NUP133: variants seen among roughly 807,000 people sequenced by gnomAD.
NUP133 encodes the protein nucleoporin 133.
Under a neutral mutation model 146.2 loss-of-function variants are expected in NUP133, and 66 were observed. The observed-to-expected ratio is 0.45, with a 90% CI of 0.37 to 0.55. The LOEUF is 0.55. Among genes scored for constraint, NUP133 ranks in the 20% least tolerant of loss-of-function variants. The pLI is 0.00. For synonymous variants in NUP133, 521 were observed against 498.8 expected, an observed-to-expected ratio of 1.04 and a Z score of -0.59; for missense variants, 1,277 against 1,374.8, an observed-to-expected ratio of 0.93 and a Z score of 1.12.
chr1:229,502,558 C>CA (rs58520087), intron 2 of NUP133, among the ~76,000 whole-genome samples: 3,855 of 42,712 alleles, frequency 0.09, 339 homozygotes, highest in African/African-American at 0.15. Flanking sequence ...GACTCCATCT[C>CA]AAAAAAAAAA....
At chr1:229,508,011 G>T (rs1661989446) in intron 1 of NUP133, 57 bp downstream of exon 1, 2 of 1,403,560 alleles carry the variant, frequency 1.4e-6, no homozygotes, top group South Asian at 3.3e-5. Context: ...AACCTATCCG[G>T]CCCACTGCGG....
chr1:229,492,500 A>G (rs1661552631), intron 8 of NUP133, among the ~76,000 whole-genome samples: 1 of 152,132 alleles, frequency 6.6e-6, no homozygotes, highest in Non-Finnish European at 1.5e-5. Flanking sequence ...CCAAGCATGT[A>G]ACTAAATGAC....
At chr1:229,442,141 T>C in intron 25 of NUP133, 101 bp from the exon 26 acceptor site, 1 of 1,133,914 alleles carries the variant, frequency 8.8e-7, no homozygotes, top group South Asian at 1.5e-5. Flanking sequence ...TATTTAAATA[T>C]AACGTCACTT....
At chr1:229,487,675 T>G in intron 9 of NUP133, 62 bp from the exon 10 acceptor site, 1 of 1,250,762 alleles carries the variant, frequency 8.0e-7, no homozygotes. Flanking sequence ...TGTATGATTT[T>G]TTAAATTCAT....
intron 2 of NUP133, among the ~76,000 whole-genome samples, chr1:229,502,768 C>G (rs972931717): frequency 1.3e-5 from 2 of 149,620 alleles, no homozygotes. Flanking sequence ...TTGAGGCCAG[C>G]CTGGGCAACA....
rs1318875298 is a variant in NUP133 at position 229,508,124 on chromosome 1, TGCAGACCCCAGGG to T, written c.113_125del (p.Pro38GlnfsTer17). ...GCGAGAAGAGCACTGGGGAGCTGAC[TGCAGACCCCAGGG>T]GCAGACCCTTCCTGCTAGCCGTCCG... is the stretch of plus-strand genomic sequence containing the variant. On this transcript the variant is annotated frameshift_variant, in exon 1 of 26. Transcript: ENST00000261396. LOFTEE classifies it high-confidence loss of function. 9 of 1,584,516 alleles carry T rather than the reference TGCAGACCCCAGGG, an allele frequency of 5.7e-6. No individual in the cohort carries two copies. The Admixed American group carries it at 8.9e-5, about 16-fold the overall frequency.
At chr1:229,472,036 T>C (rs1660967671) in intron 14 of NUP133, among the ~76,000 whole-genome samples, 1 of 152,198 alleles carries the variant, frequency 6.6e-6, no homozygotes, top group East Asian at 1.9e-4. Context: ...TTAGGTGTAA[T>C]CGGCCAGGCG....
chr1:229,495,872 T>C lies in NUP133; in HGVS notation c.975+20A>G, dbSNP rs778896184. 2 of 1,550,356 alleles carry C rather than the reference T, an allele frequency of 1.3e-6. No homozygotes were observed. The highest frequency in any genetic ancestry group is 2.4e-5 in the South Asian group (2 of 81,942). ...CAACCATAAACATGAATTACAGAGATGAATATTATTGTTTCTTACCCAAAT... is the reference window on the plus strand; with the variant it reads ...CAACCATAAACATGAATTACAGAGACGAATATTATTGTTTCTTACCCAAAT... On this transcript the variant is annotated intron_variant, in intron 7 of 25. Coordinates refer to ENST00000261396, the MANE Select transcript of NUP133 (RefSeq NM_018230.3).
chr1:229,506,103 C>G lies in NUP133; in HGVS notation c.238G>C (p.Asp80His). ...AGAGAAGATCCAAACGTTTTCACATCATAGTTCACAGACTCAGTTATGGAG... is the reference window on the plus strand; with the variant it reads ...AGAGAAGATCCAAACGTTTTCACATGATAGTTCACAGACTCAGTTATGGAG... The part of the protein sequence containing the change: ...HHSITESVNY[D>H]VKTFGSSLPV... Residue 80 changes from aspartate to histidine, a missense_variant, in exon 2 of 26, where the codon GAT becomes CAT. By Grantham distance (81) the Asp-to-His change is moderately conservative. Coordinates refer to ENST00000261396, the MANE Select transcript of NUP133 (RefSeq NM_018230.3). The G allele has an allele frequency of 1.2e-6, 2 of 1,613,688 alleles. No individual in the cohort carries two copies. The highest frequency in any genetic ancestry group is 2.2e-5 in the South Asian group (2 of 91,064).
At position 229,502,178 on chromosome 1, in the gene NUP133, T is replaced by G. The variant is rs1446426931; in HGVS notation, c.302-76A>C. 4 of 1,062,846 alleles carry G rather than the reference T, an allele frequency of 3.8e-6. No homozygotes were observed. In the Admixed American group the frequency reaches 7.6e-5, roughly 20 times the overall value. The allele number at this position is 1,062,846 out of a possible 1,614,324, so 65.8% of individuals were successfully genotyped here. A position where few individuals can be genotyped will look rare whatever the true frequency, so the allele number is the denominator to read the frequency against. On this transcript the variant is annotated intron_variant, in intron 2 of 25. Transcript: ENST00000261396. ...TACCACACGCTTTATCAAAAAAAAG[T>G]AATTGGCACACTCAGAAACGACTAC...
At chr1:229,445,112 C>A in intron 24 of NUP133, 110 bp from the exon 25 acceptor site, 1 of 786,700 alleles carries the variant, frequency 1.3e-6, no homozygotes, top group Non-Finnish European at 2.1e-6. Context: ...GATGGAGAAT[C>A]TGAGTTTTGT....
intron 12 of NUP133, 104 bp from the exon 13 acceptor site, chr1:229,477,864 T>G: frequency 1.2e-6 from 1 of 807,332 alleles, no homozygotes; most frequent in Non-Finnish European, 1.9e-6. Context: ...AAAAAAAGAA[T>G]GCGATCCTGT....
rs1430737615 is a variant in NUP133, at chr1:229,460,660, T to A, written c.2795A>T (p.His932Leu). ...HGQLANFLQA[H>L]EHLSWLHEIN... ...TTCATGTAACCAGCTGAGATGTTCA[T>A]GAGCTTGCAAAAAATTTGCCAACTG... Residue 932 changes from histidine (H) to leucine (L), a missense_variant, in exon 20 of 26, where the codon CAT becomes CTT. Physicochemically the swap from His to Leu is moderately conservative, Grantham distance 99. Coordinates refer to ENST00000261396, the MANE Select transcript of NUP133 (RefSeq NM_018230.3). The A allele has an allele frequency of 6.2e-7, 1 of 1,614,042 alleles. No homozygotes were observed. The highest frequency in any genetic ancestry group is 8.5e-7 in the Non-Finnish European group (1 of 1,180,032).
Position 229,458,173 on chromosome 1 carries a change from C to T in NUP133, c.2968G>A (p.Glu990Lys). ...CAAATTCTTTCACCTTCAATTTTTTCTTGTAGCATATCCTCTGAAAAGTCT... is the reference window on the plus strand; with the variant it reads ...CAAATTCTTTCACCTTCAATTTTTTTTTGTAGCATATCCTCTGAAAAGTCT... ...ASDFSEDMLQ[E>K]KIEEMAEQER... Residue 990 changes from glutamate to lysine, a missense_variant, in exon 21 of 26, where the codon GAA becomes AAA. Glu to Lys is a moderately conservative substitution (Grantham distance 56). This residue lies in a region of NUP133 where 952 missense variants were observed against 1,047.0 expected (regional missense o/e 0.91). Coordinates refer to ENST00000261396, the MANE Select transcript of NUP133 (RefSeq NM_018230.3). 1 of 1,606,336 alleles carries T rather than the reference C, an allele frequency of 6.2e-7. No individual in the cohort carries two copies. Among genetic ancestry groups the T allele is most frequent in the South Asian group, 1.1e-5 (1 of 90,174 alleles).
intron 24 of NUP133, among the ~76,000 whole-genome samples, chr1:229,446,049 A>G (rs1660293064): frequency 6.6e-6 from 1 of 152,202 alleles, no homozygotes; most frequent in Non-Finnish European, 1.5e-5. Flanking sequence ...TTGTCATTGA[A>G]TCGTAACATA....
intron 14 of NUP133, among the ~76,000 whole-genome samples, chr1:229,471,057 C>T (rs563577038): frequency 1.6e-4 from 24 of 152,300 alleles, no homozygotes; most frequent in African/African-American, 5.1e-4. Flanking sequence ...TCCACTACTA[C>T]TGTCTCTGCA....
intron 12 of NUP133, among the ~76,000 whole-genome samples, chr1:229,480,460 A>G (rs1380947829): frequency 6.6e-6 from 1 of 152,258 alleles, no homozygotes; most frequent in East Asian, 1.9e-4. Flanking sequence ...CTCATGAACA[A>G]AAGATTTAGT....
In NUP133 at chr1:229,496,347, G is replaced by A. The variant is rs535189180; in HGVS notation, c.820-300C>T. ...AAAGTAGCCGGGTGTGGTGGCACAC[G>A]CCTGTAGTCCCAGCTACTCAGGAGA... is the stretch of plus-strand genomic sequence containing the variant. On this transcript the variant is annotated intron_variant, in intron 6 of 25. Transcript: ENST00000261396. Among the ~76,000 whole-genome samples, 31 of 152,206 alleles carry A rather than the reference G, an allele frequency of 2.0e-4. No homozygotes were observed. In the South Asian group the frequency reaches 6.2e-3, roughly 31 times the overall value.
At position 229,487,499 on chromosome 1, in the gene NUP133, G is replaced by C; in HGVS notation, c.1309C>G (p.Leu437Val). 1 of 1,613,490 alleles carries C rather than the reference G, an allele frequency of 6.2e-7. No individual in the cohort carries two copies. The highest frequency in any genetic ancestry group is 8.5e-7 in the Non-Finnish European group (1 of 1,179,884). Residue 437 changes from leucine to valine, a missense_variant, in exon 10 of 26, where the codon CTT becomes GTT. Around this residue, in one of 3 missense-constraint regions of NUP133, gnomAD observed 952 missense variants for 1,047.0 expected, o/e 0.91. Transcript: ENST00000261396. ...TTAAAGACAATTTTCTCCTGGGGAA[G>C]AGAAAATTTCCCAGTTCCTGTGGAG... is the stretch of plus-strand genomic sequence containing the variant. ...VCSTGTGKFS[L>V]PQEKIVFNAQ...
Sources: allele counts gnomAD v4.1 joint callset (sites outside exome capture counted in the v4.1 genomes callset), GRCh38; gene constraint gnomAD v4.1.1; regional missense constraint gnomAD v4.1.1; transcripts MANE v1.5; gene names NCBI Gene and HGNC (gene_info 2026-07-23, HGNC 2026-07-21).